The following TEC variants were observed in gnomAD, a reference collection of about 807,000 sequenced individuals.
The protein encoded by TEC is tyrosine-protein kinase Tec.
TEC carries 72 observed loss-of-function variants against 93.0 expected under a neutral mutation model. The observed-to-expected ratio is 0.77, with a 90% CI of 0.64 to 0.94. TEC has a LOEUF of 0.94. TEC is among the 40% of genes least tolerant of loss of function. The pLI, the probability that TEC is intolerant of heterozygous loss-of-function variation, is 0.00. For missense variants in TEC, 630 were observed against 757.9 expected (o/e 0.83, Z 1.98); for synonymous variants, 249 against 247.7 (o/e 1.01, Z -0.05).
At chr4:48,179,965 G>C (rs548685515) in intron 2 of TEC, among the ~76,000 whole-genome samples, 68 of 152,210 alleles carry the variant, frequency 4.5e-4, no homozygotes, top group African/African-American at 1.5e-3. Flanking sequence ...AGCAGGCCAT[G>C]GTCTGCTTTC....
chr4:48,245,905 G>A (rs1218662791), intron 1 of TEC, among the ~76,000 whole-genome samples: 1 of 152,078 alleles, frequency 6.6e-6, no homozygotes, highest in Admixed American at 6.6e-5. Context: ...GAGATCAGGA[G>A]TTTGAGACCG....
intron 1 of TEC, among the ~76,000 whole-genome samples, chr4:48,263,039 C>T (rs1408461186): frequency 6.6e-6 from 1 of 152,298 alleles, no homozygotes; most frequent in South Asian, 2.1e-4. Flanking sequence ...ACTGGGAGAG[C>T]ATGCTGGAAG....
intron 2 of TEC, among the ~76,000 whole-genome samples, chr4:48,197,073 A>G (rs1401391099): frequency 1.3e-5 from 2 of 152,250 alleles, no homozygotes; most frequent in South Asian, 4.1e-4. Context: ...AATGTTACAA[A>G]GACATATTTT....
chr4:48,216,570 CAGGT>C (rs1723088706), intron 2 of TEC, among the ~76,000 whole-genome samples: 1 of 151,500 alleles, frequency 6.6e-6, no homozygotes, highest in Non-Finnish European at 1.5e-5. Context: ...TCAAGGTAGA[CAGGT>C]AGGAGAAGAG....
At chr4:48,180,530 G>A (rs1721541846) in intron 2 of TEC, among the ~76,000 whole-genome samples, 1 of 152,190 alleles carries the variant, frequency 6.6e-6, no homozygotes, top group South Asian at 2.1e-4. Flanking sequence ...AGAAGATGGG[G>A]AAGATTCAGG....
rs184178131 is a variant in TEC, at chr4:48,178,062, C to T, written c.139-1876G>A. On this transcript the variant is annotated intron_variant, in intron 2 of 17. Coordinates refer to ENST00000381501, the MANE Select transcript of TEC (RefSeq NM_003215.3). ...GACTAATACAACAGTTTTGTCAGTCCCCAGTTCCGTCCACACCTTTCCCTA... is the reference window on the plus strand; with the variant it reads ...GACTAATACAACAGTTTTGTCAGTCTCCAGTTCCGTCCACACCTTTCCCTA... Among the ~76,000 whole-genome samples the T allele has an allele frequency of 3.9e-5, 6 of 152,144 alleles. No homozygotes were observed. The East Asian group carries it at 1.2e-3, about 29-fold the overall frequency.
intron 3 of TEC, among the ~76,000 whole-genome samples, chr4:48,173,083 G>A (rs757503914): frequency 2.0e-5 from 3 of 152,154 alleles, no homozygotes; most frequent in Non-Finnish European, 2.9e-5. Context: ...CTTTCTTAGT[G>A]TTAGAATCCT....
At chr4:48,164,388 A>G (rs939683538) in intron 7 of TEC, among the ~76,000 whole-genome samples, 6 of 152,210 alleles carry the variant, frequency 3.9e-5, no homozygotes, top group African/African-American at 1.4e-4. Flanking sequence ...GTCCGATTTT[A>G]CCCCAAATGA....
chr4:48,244,197 T>A (rs185714955), intron 1 of TEC, among the ~76,000 whole-genome samples: 72 of 152,322 alleles, frequency 4.7e-4, no homozygotes, highest in African/African-American at 1.7e-3. Flanking sequence ...TCAATCCACA[T>A]ATACACGTTT....
At position 48,228,498 on chromosome 4, in the gene TEC, G is replaced by A. The variant is rs751348760; in HGVS notation, c.117C>T (p.Thr39=). Residue 39 remains threonine (T), a synonymous_variant, in exon 2 of 18, where the codon ACC becomes ACT. Coordinates refer to ENST00000381501, the MANE Select transcript of TEC (RefSeq NM_003215.3). Reference sequence around the variant, plus strand: ...TTACCTCTGCTCGACCCTCATAGTAGGTTAGCATGGACTTTGTAAGTACAA... The same window carrying A: ...TTACCTCTGCTCGACCCTCATAGTAAGTTAGCATGGACTTTGTAAGTACAA... ...RLFVLTKSML[T]YYEGRAEKKY... is the part of the protein sequence containing the mutation. The A allele has an allele frequency of 6.2e-7, 1 of 1,610,696 alleles. No homozygotes were observed. Among genetic ancestry groups the A allele is most frequent in the South Asian group, 1.1e-5 (1 of 90,478 alleles).
At chr4:48,180,245 T>C (rs892081219) in intron 2 of TEC, among the ~76,000 whole-genome samples, 2 of 152,202 alleles carry the variant, frequency 1.3e-5, no homozygotes, top group African/African-American at 2.4e-5. Flanking sequence ...AAATATCTTG[T>C]TATGAAACTA....
intron 2 of TEC, among the ~76,000 whole-genome samples, chr4:48,227,044 A>G (rs1207610589): frequency 6.6e-6 from 1 of 152,218 alleles, no homozygotes; most frequent in Non-Finnish European, 1.5e-5. Context: ...CTGCACACAT[A>G]GACATGTACA....
At chr4:48,173,077 C>A (rs554020786) in intron 3 of TEC, among the ~76,000 whole-genome samples, 1 of 152,284 alleles carries the variant, frequency 6.6e-6, no homozygotes, top group East Asian at 1.9e-4. Flanking sequence ...CCAGTTCTTT[C>A]TTAGTGTTAG....
chr4:48,177,758 G>C (rs537839257), intron 2 of TEC, among the ~76,000 whole-genome samples: 1 of 152,312 alleles, frequency 6.6e-6, no homozygotes, highest in African/African-American at 2.4e-5. Context: ...CCTAGTGGGA[G>C]GTGATTGGAT....
chr4:48,198,534 C>A (rs1722381637), intron 2 of TEC, among the ~76,000 whole-genome samples: 1 of 152,212 alleles, frequency 6.6e-6, no homozygotes, highest in African/African-American at 2.4e-5. Flanking sequence ...CCTGTCATAT[C>A]TTTACAATTT....
intron 8 of TEC, among the ~76,000 whole-genome samples, chr4:48,161,906 C>A (rs1366596716): frequency 1.3e-5 from 2 of 152,152 alleles, no homozygotes; most frequent in Non-Finnish European, 2.9e-5. Context: ...GCTTCCTGCC[C>A]TCGAACATTG....
At chr4:48,152,435 C>CATGA (rs563267558) in intron 9 of TEC, among the ~76,000 whole-genome samples, 3 of 149,624 alleles carry the variant, frequency 2.0e-5, no homozygotes, top group African/African-American at 7.4e-5. Context: ...GAGATACTAT[C>CATGA]ATAAATAAAT....
chr4:48,230,099 T>TA (rs752280511), intron 1 of TEC, among the ~76,000 whole-genome samples: 3 of 137,836 alleles, frequency 2.2e-5, no homozygotes, highest in African/African-American at 8.4e-5. Flanking sequence ...ATAATAATAA[T>TA]AATAAATAAA....
At chr4:48,245,027 G>A (rs1169587066) in intron 1 of TEC, among the ~76,000 whole-genome samples, 1 of 152,110 alleles carries the variant, frequency 6.6e-6, no homozygotes, top group East Asian at 1.9e-4. Flanking sequence ...GAGCACAGTG[G>A]CTCACGCCTG....
Sources: allele counts gnomAD v4.1 joint callset (sites outside exome capture counted in the v4.1 genomes callset), GRCh38; gene constraint gnomAD v4.1.1; transcripts MANE v1.5; gene names NCBI Gene and HGNC (gene_info 2026-07-23, HGNC 2026-07-21).